AACS: variants seen among roughly 807,000 people sequenced by gnomAD.
AACS encodes the protein acetoacetate-CoA ligase.
AACS carries 69 observed loss-of-function variants against 83.1 expected under a neutral mutation model. That is an observed-to-expected ratio of 0.83 (90% CI 0.68 to 1.01). The LOEUF (loss-of-function observed/expected upper bound fraction) is 1.01, where lower values mean the gene tolerates loss of function less well. AACS is among the 50% of genes least tolerant of loss of function. AACS has a pLI of 0.00. For synonymous variants in AACS, 333 were observed against 343.4 expected, an observed-to-expected ratio of 0.97 and a Z score of 0.33; for missense variants, 866 against 882.2, an observed-to-expected ratio of 0.98 and a Z score of 0.23.
chr12:125,075,619 A>G (rs1396342674), intron 2 of AACS, among the ~76,000 whole-genome samples: 11 of 87,662 alleles, frequency 1.3e-4, no homozygotes, highest in South Asian at 8.1e-4. Flanking sequence ...TTTGAGATGG[A>G]GTCTCGTTCT....
intron 3 of AACS, among the ~76,000 whole-genome samples, chr12:125,081,722 T>G (rs556973655): frequency 6.6e-6 from 1 of 152,332 alleles, no homozygotes; most frequent in South Asian, 2.1e-4. Flanking sequence ...ATTTTGCTTT[T>G]GAAGAGTAGC....
intron 1 of AACS, among the ~76,000 whole-genome samples, chr12:125,072,100 A>G (rs1027567417): frequency 8.7e-5 from 13 of 149,322 alleles, no homozygotes; most frequent in Non-Finnish European, 1.8e-4. Flanking sequence ...CAAGCAATCC[A>G]CCCATCTCGG....
At chr12:125,106,314 C>T (rs935113906) in intron 7 of AACS, among the ~76,000 whole-genome samples, 1 of 152,196 alleles carries the variant, frequency 6.6e-6, no homozygotes, top group Non-Finnish European at 1.5e-5. Flanking sequence ...GTTTCTAGTG[C>T]AGAAAACAAA....
At position 125,129,408 on chromosome 12, in the gene AACS, G is replaced by T; in HGVS notation, c.1497G>T (p.Trp499Cys). ...TCCCTTGCCAGCCCACACACTTCTG[G>T]AACGATGAGAACGGCAACAAGTACA... ...KPIPCQPTHF[W>C]NDENGNKYRK... is the part of the protein sequence containing the mutation. Residue 499 changes from tryptophan to cysteine, a missense_variant, in exon 14 of 18, where the codon TGG (tryptophan) becomes TGT (cysteine). Trp to Cys is a radical substitution (Grantham distance 215, BLOSUM62 -2). Transcript: ENST00000316519. The surrounding 1 kb of genome is among the most constrained non-coding windows in gnomAD (Gnocchi z 4.3). 6.2e-7 allele frequency: 1 copy of T among 1,614,054 alleles called. No individual in the cohort carries two copies. Among genetic ancestry groups the T allele is most frequent in the Non-Finnish European group, 8.5e-7 (1 of 1,179,996 alleles).
chr12:125,078,040 A>G, intron 3 of AACS: 1 of 417,102 alleles, frequency 2.4e-6, no homozygotes, highest in South Asian at 1.7e-5. Context: ...GAAGCCAGAG[A>G]AAGATTAATT....
At chr12:125,109,614 C>T (rs904824022) in intron 8 of AACS, among the ~76,000 whole-genome samples, 2 of 152,108 alleles carry the variant, frequency 1.3e-5, no homozygotes, top group South Asian at 2.1e-4. Flanking sequence ...GTGTAGCGCG[C>T]TCATCAAATT....
chr12:125,108,073 G>A (rs1408983467), intron 8 of AACS, among the ~76,000 whole-genome samples: 11 of 152,330 alleles, frequency 7.2e-5, no homozygotes, highest in African/African-American at 1.7e-4. Flanking sequence ...TGCTGGGGGC[G>A]TTGTAAAACT....
In AACS at chr12:125,084,267, G is replaced by GA. The variant is rs569150139; in HGVS notation, c.359-2062dup. Among the ~76,000 whole-genome samples, 14 of 151,454 alleles carry GA rather than the reference G, an allele frequency of 9.2e-5. No individual in the cohort carries two copies. The South Asian group carries it at 2.5e-3, about 27-fold the overall frequency. Reference sequence around the variant, plus strand: ...TGGGAGGCGGAGGGTGCAGTGAGCTGAGATCGCACCACTGCACACCAGCCT... The same window carrying GA: ...TGGGAGGCGGAGGGTGCAGTGAGCTGAAGATCGCACCACTGCACACCAGCCT... On this transcript the variant is annotated intron_variant, in intron 3 of 17. Transcript: ENST00000316519.
At chr12:125,117,272 G>C (rs931223310) in intron 9 of AACS, among the ~76,000 whole-genome samples, 1 of 152,110 alleles carries the variant, frequency 6.6e-6, no homozygotes, top group African/African-American at 2.4e-5. Flanking sequence ...AAGTTAGCCG[G>C]GTGTGGTGGT....
intron 10 of AACS, chr12:125,121,051 G>C (rs1204009347): frequency 6.6e-6 from 1 of 152,316 alleles, no homozygotes; most frequent in Non-Finnish European, 1.5e-5. Flanking sequence ...GGCTGGTTCC[G>C]TGCCGTAATC....
At chr12:125,066,062 G>A (rs1955681939) in intron 1 of AACS, among the ~76,000 whole-genome samples, 1 of 152,194 alleles carries the variant, frequency 6.6e-6, no homozygotes, top group Non-Finnish European at 1.5e-5. Context: ...TCCGGCCTGT[G>A]GGGGCTTCCC....
In AACS at chr12:125,142,282, G is replaced by GT; in HGVS notation, c.*54dup. 1 of 1,591,420 alleles carries GT rather than the reference G, an allele frequency of 6.3e-7. No homozygotes were observed. The highest frequency in any genetic ancestry group is 8.6e-7 in the Non-Finnish European group (1 of 1,165,886). ...CGCACCCGTGTGCACTGTAACTTTT[G>GT]TGTGCTCAAGAAATTATACAGAAAC... On this transcript the variant is annotated 3_prime_UTR_variant, in exon 18 of 18. Coordinates refer to ENST00000316519, the MANE Select transcript of AACS (RefSeq NM_023928.5).
At chr12:125,107,374 C>T in intron 8 of AACS, 106 bp downstream of exon 8, 2 of 1,441,524 alleles carry the variant, frequency 1.4e-6, no homozygotes. Context: ...TGCACCCCAT[C>T]CCCGGAGAGT....
intron 4 of AACS, chr12:125,091,178 G>A (rs1218922769): frequency 1.9e-6 from 1 of 521,166 alleles, no homozygotes; most frequent in Admixed American, 3.1e-5. Flanking sequence ...GGGATGGGGA[G>A]CAGAGGGAGG....
Position 125,142,178 on chromosome 12 carries a change from C to A in AACS, c.1968C>A (p.Asn656Lys). The change falls in exon 18 of 18, where the codon AAC becomes AAA. Residue 656 changes from asparagine (N) to lysine (K), a missense_variant. Coordinates refer to ENST00000316519, the MANE Select transcript of AACS (RefSeq NM_023928.5). ...TGGAGCAAGGAGGTGCTTTCTCGAA[C>A]CCCGAGACCCTGGATCTGTACCGGG... ...KAVEQGGAFSNPETLDLYRDI... is the reference protein window; with the variant it reads ...KAVEQGGAFSKPETLDLYRDI... 1 of 1,614,180 alleles carries A rather than the reference C, an allele frequency of 6.2e-7. No individual in the cohort carries two copies. Among genetic ancestry groups the A allele is most frequent in the Non-Finnish European group, 8.5e-7 (1 of 1,180,028 alleles).
rs543765926 is a variant in AACS, at chr12:125,114,266, C to T, written c.916-211C>T. On this transcript the variant is annotated intron_variant, in intron 8 of 17. Coordinates refer to ENST00000316519, the MANE Select transcript of AACS (RefSeq NM_023928.5). Reference sequence around the variant, plus strand: ...GTTTTCCTCTCCAGACTACAAGCCACGCTCAGCTCTTGGGGGAGAGGGACA... The same window carrying T: ...GTTTTCCTCTCCAGACTACAAGCCATGCTCAGCTCTTGGGGGAGAGGGACA... Among the ~76,000 whole-genome samples the T allele has an allele frequency of 1.1e-3, 167 of 151,908 alleles. 2 individuals carry two copies. Among genetic ancestry groups the T allele is most frequent in the Admixed American group, 6.3e-3 (96 of 15,274 alleles).
rs57667102 is a variant in AACS at position 125,081,166 on chromosome 12, A to G, written c.358+4555A>G. On this transcript the variant is annotated intron_variant, in intron 3 of 17. Coordinates refer to ENST00000316519, the MANE Select transcript of AACS (RefSeq NM_023928.5). ...CGCCACCACACTGGCTAATTTTTGT[A>G]TTTTTAGTAGAGATGAGGTTTCTCA... Among the ~76,000 whole-genome samples, 862 of 150,786 alleles carry G rather than the reference A, an allele frequency of 5.7e-3. 14 individuals are homozygous for G. The highest frequency in any genetic ancestry group is 0.02 in the African/African-American group (831 of 40,934).
At chr12:125,134,888 C>T (rs762883944) in intron 16 of AACS, 36 bp downstream of exon 16, 153 of 1,613,284 alleles carry the variant, frequency 9.5e-5, no homozygotes, top group Non-Finnish European at 1.2e-4. Context: ...TCTCCAGTCT[C>T]CAGGAAGGAG....
chr12:125,118,046 G>A (rs939421113), intron 9 of AACS: 1 of 152,498 alleles, frequency 6.6e-6, no homozygotes, highest in Non-Finnish European at 1.5e-5. Flanking sequence ...CTGTGTCCTT[G>A]TGCCCTCTGC....
Sources: allele counts gnomAD v4.1 joint callset (sites outside exome capture counted in the v4.1 genomes callset), GRCh38; gene constraint gnomAD v4.1.1; non-coding constraint Gnocchi (gnomAD v3.1); transcripts MANE v1.5; gene names NCBI Gene and HGNC (gene_info 2026-07-23, HGNC 2026-07-21).